The following ANKRD36C variants were observed in gnomAD, a reference collection of about 807,000 sequenced individuals.
The protein encoded by ANKRD36C is ankyrin repeat domain 36C.
In ANKRD36C, 61 loss-of-function variants were observed where a neutral mutation model predicts 276.4. That is an observed-to-expected ratio of 0.22 (90% CI 0.18 to 0.27). The LOEUF is 0.27. ANKRD36C is among the 10% of genes least tolerant of loss of function. The pLI, the probability that ANKRD36C is intolerant of heterozygous loss-of-function variation, is 1.00. For synonymous variants in ANKRD36C, 483 were observed against 680.1 expected, an observed-to-expected ratio of 0.71 and a Z score of 4.51; for missense variants, 1,447 against 2,032.3, an observed-to-expected ratio of 0.71 and a Z score of 5.54.
downstream of ANKRD36C, among the ~76,000 whole-genome samples, chr2:95,849,831 G>C (rs1018889943): frequency 1.3e-5 from 2 of 152,198 alleles, no homozygotes; most frequent in Admixed American, 1.3e-4. Flanking sequence ...CAGAGCTCAG[G>C]TGATAATGTG....
exon 3 of ANKRD36C, chr2:95,986,767 A>G (rs2104544668): frequency 6.2e-7 from 1 of 1,611,912 alleles, no homozygotes. Context: ...GCATTCTTCA[A>G]TATTTGCACC....
chr2:95,872,536 T>C (rs1191883213), intron 59 of ANKRD36C, among the ~76,000 whole-genome samples: 2 of 152,176 alleles, frequency 1.3e-5, no homozygotes, highest in South Asian at 2.1e-4. Flanking sequence ...GGGAAATTTA[T>C]AGCACTAAAT....
At chr2:95,980,836 A>C in intron 4 of ANKRD36C, 51 bp from the exon 5 acceptor site, 1 of 1,541,804 alleles carries the variant, frequency 6.5e-7, no homozygotes. Flanking sequence ...TTAAAAGCTT[A>C]GTTTATATAC....
At chr2:95,849,180 T>C (rs1309412824), downstream of ANKRD36C, among the ~76,000 whole-genome samples, 101 of 152,148 alleles carry the variant, frequency 6.6e-4, no homozygotes, top group South Asian at 4.2e-4. Flanking sequence ...CCACCTCAGC[T>C]TCCCGAGTAG....
chr2:95,948,643 A>G lies in ANKRD36C; in HGVS notation c.1296-47T>C, dbSNP rs1448762573. 4 of 1,521,910 alleles carry G rather than the reference A, an allele frequency of 2.6e-6. No individual in the cohort carries two copies. The East Asian group carries it at 7.4e-5, about 28-fold the overall frequency. The allele number at this position is 1,521,910 out of a possible 1,614,324, so 94.3% of individuals were successfully genotyped here. A position where few individuals can be genotyped will look rare whatever the true frequency, so the allele number is the denominator to read the frequency against. The stretch of plus-strand genomic sequence containing the variant: ...AAAAAATGAGCACGTTCATTTCTTA[A>G]AAGAAAACAAAAACCGTCAGTCTAT... On this transcript the variant is annotated intron_variant, in intron 16 of 66. Coordinates refer to ENST00000456556, the Ensembl canonical transcript of ANKRD36C.
At chr2:95,872,786 G>A (rs1222349296) in intron 59 of ANKRD36C, among the ~76,000 whole-genome samples, 7 of 151,966 alleles carry the variant, frequency 4.6e-5, no homozygotes, top group Admixed American at 4.6e-4. Flanking sequence ...TAAAAAAGAA[G>A]AAAAGAGAGA....
At position 95,964,987 on chromosome 2, in the gene ANKRD36C, G is replaced by C. The variant is rs1678557893; in HGVS notation, c.800-2440C>G. Among the ~76,000 whole-genome samples the C allele has an allele frequency of 2.0e-5, 3 of 151,706 alleles. No homozygotes were observed. In the South Asian group the frequency reaches 6.3e-4, roughly 32 times the overall value. On this transcript the variant is annotated intron_variant, in intron 6 of 66. Transcript: ENST00000456556. ...TCCAATGACACTGCCTCTCCTCAAT[G>C]CACCAACATCTTCAGAAATAACTTG... is the stretch of plus-strand genomic sequence containing the variant.
chr2:95,852,049 T>C (rs1675305058), intron 65 of ANKRD36C, 77 bp downstream of exon 85: 1 of 1,437,994 alleles, frequency 7.0e-7, no homozygotes, highest in Non-Finnish European at 9.6e-7. Context: ...TTATCATAAC[T>C]GATACAATTT....
In ANKRD36C at chr2:95,953,844, C is replaced by T. The variant is rs564147136; in HGVS notation, c.1203+95G>A. 1.2e-4 allele frequency: 146 copies of T among 1,223,674 alleles called. No homozygotes were observed. The East Asian group carries it at 3.7e-3, about 31-fold the overall frequency. The allele number at this position is 1,223,674 out of a possible 1,614,324, so 75.8% of individuals were successfully genotyped here. A position where few individuals can be genotyped will look rare whatever the true frequency, so the allele number is the denominator to read the frequency against. On this transcript the variant is annotated intron_variant, in intron 14 of 66. Transcript: ENST00000456556. ...TAAAAGTTTTAATACTAACATAAAA[C>T]AATGATAGGTAGACAACTGCTAAGT...
In ANKRD36C at chr2:95,887,848, G is replaced by A. The variant is rs13023647; in HGVS notation, c.3061+77C>T. 1.8e-4 allele frequency: 271 copies of A among 1,518,014 alleles called. 2 individuals are homozygous for A. The South Asian group carries it at 2.6e-3, about 14-fold the overall frequency. 94.0% of individuals were successfully genotyped at this position (1,518,014 alleles called of 1,614,324 possible). A position where few individuals can be genotyped will look rare whatever the true frequency, so the allele number is the denominator to read the frequency against. ...AGAATGTGCAGTTTTGATGAGCCCC[G>A]CACTGATTTGTTCGGGGAAGAGAAG... On this transcript the variant is annotated intron_variant, in intron 50 of 66. Transcript: ENST00000456556.
Position 95,923,585 on chromosome 2 carries a change from C to G in ANKRD36C, c.2071-18G>C. On this transcript the variant is annotated intron_variant, in intron 31 of 66. Coordinates refer to ENST00000456556, the Ensembl canonical transcript of ANKRD36C. Reference sequence around the variant, plus strand: ...CTTGTAGCCTGAAAGTAATTTGAAGCAAATTATCAATAAAGAAAGTATGTT... The same window carrying G: ...CTTGTAGCCTGAAAGTAATTTGAAGGAAATTATCAATAAAGAAAGTATGTT... The G allele has an allele frequency of 1.2e-6, 2 of 1,608,828 alleles. No individual in the cohort carries two copies. Among genetic ancestry groups the G allele is most frequent in the South Asian group, 1.1e-5 (1 of 90,736 alleles).
intron 46 of ANKRD36C, among the ~76,000 whole-genome samples, chr2:95,890,639 C>G (rs187766257): frequency 1.5e-4 from 22 of 151,588 alleles, no homozygotes; most frequent in African/African-American, 4.6e-4. Context: ...GTTTCTTCAT[C>G]CACTCTTGGC....
intron 60 of ANKRD36C, among the ~76,000 whole-genome samples, chr2:95,864,950 A>G (rs1274414779): frequency 6.6e-6 from 1 of 152,138 alleles, no homozygotes; most frequent in Non-Finnish European, 1.5e-5. Flanking sequence ...CAAATTCAAT[A>G]TAGAAAAATT....
chr2:95,957,382 T>G (rs920872052), intron 12 of ANKRD36C, among the ~76,000 whole-genome samples: 2 of 152,306 alleles, frequency 1.3e-5, no homozygotes, highest in Non-Finnish European at 2.9e-5. Context: ...CAATTACACT[T>G]TAGATGAATG....
At chr2:95,934,344 G>A (rs1235228338) in intron 24 of ANKRD36C, among the ~76,000 whole-genome samples, 1 of 151,990 alleles carries the variant, frequency 6.6e-6, no homozygotes, top group African/African-American at 2.4e-5. Context: ...CAAAGACTTG[G>A]AACCAGCCCG....
intron 44 of ANKRD36C, 78 bp from the exon 63 acceptor site, chr2:95,893,802 T>C: frequency 6.3e-7 from 1 of 1,594,476 alleles, no homozygotes; most frequent in Non-Finnish European, 8.5e-7. Flanking sequence ...AGAGTTAGCA[T>C]CAAACTCTGT....
At chr2:95,857,566 C>T in intron 61 of ANKRD36C, 74 bp from the exon 82 acceptor site, 3 of 1,455,808 alleles carry the variant, frequency 2.1e-6, no homozygotes, top group Non-Finnish European at 2.8e-6. Flanking sequence ...TACCCAAATT[C>T]CTACCTAAGG....
intron 42 of ANKRD36C, among the ~76,000 whole-genome samples, chr2:95,903,443 C>T (rs1180403128): frequency 6.6e-6 from 1 of 150,814 alleles, no homozygotes; most frequent in African/African-American, 2.4e-5. Flanking sequence ...CTACATGATC[C>T]CACTTACCTT....
intron 6 of ANKRD36C, among the ~76,000 whole-genome samples, chr2:95,969,910 TA>T (rs960269954): frequency 6.6e-6 from 1 of 151,620 alleles, no homozygotes. Flanking sequence ...TAAATTTTAT[TA>T]TAGATATATA....
Sources: allele counts gnomAD v4.1 joint callset (sites outside exome capture counted in the v4.1 genomes callset), GRCh38; gene constraint gnomAD v4.1.1; transcripts MANE v1.5; gene names NCBI Gene and HGNC (gene_info 2026-07-23, HGNC 2026-07-21).